Variants in PMM2 observed in about 807,000 individuals in gnomAD.
PMM2 encodes the protein mannose-6-phosphate isomerase.
A neutral mutation model predicts 33.2 loss-of-function variants in PMM2; 35 were observed. The observed-to-expected ratio is 1.06, with a 90% CI of 0.81 to 1.40. The LOEUF is 1.40. Among genes scored for constraint, PMM2 ranks in the 40% most tolerant of loss-of-function variants. The pLI is 0.00. For missense variants in PMM2, 386 were observed against 306.0 expected (o/e 1.26, Z -1.95); for synonymous variants, 153 against 114.7 (o/e 1.33, Z -2.13).
intron 4 of PMM2, chr16:8,806,671 C>G: frequency 5.8e-6 from 3 of 514,982 alleles, no homozygotes; most frequent in Non-Finnish European, 7.0e-6. Flanking sequence ...AATTTAAATC[C>G]GAATCCCAGC....
intron 7 of PMM2, among the ~76,000 whole-genome samples, chr16:8,819,171 G>A (rs975886311): frequency 6.6e-6 from 1 of 152,236 alleles, no homozygotes; most frequent in African/African-American, 2.4e-5. Context: ...AGGGTTCAGG[G>A]TTGGGGACAG....
chr16:8,843,037 A>C (rs1596506515), intron 7 of PMM2, among the ~76,000 whole-genome samples: 1 of 152,162 alleles, frequency 6.6e-6, no homozygotes, highest in East Asian at 1.9e-4. Context: ...TCAGGGAAGC[A>C]GATAATTTGC....
At chr16:8,820,915 A>G (rs770022916) in intron 7 of PMM2, among the ~76,000 whole-genome samples, 2 of 152,122 alleles carry the variant, frequency 1.3e-5, no homozygotes, top group African/African-American at 2.4e-5. Flanking sequence ...ACACCTTCCA[A>G]CAGTTCATTA....
rs1418343874 is a variant in PMM2, at chr16:8,848,540, C to T, written c.*715C>T. 1 of 152,568 alleles carries T rather than the reference C, an allele frequency of 6.6e-6. No homozygotes were observed. Among genetic ancestry groups the T allele is most frequent in the Non-Finnish European group, 1.5e-5 (1 of 68,302 alleles). The allele number at this position is 152,568 out of a possible 1,614,324, so 9.5% of individuals were successfully genotyped here. A position where few individuals can be genotyped will look rare whatever the true frequency, so the allele number is the denominator to read the frequency against. ...CACTACACTCAGAATAGCCTGGCTG[C>T]TTCTCTGTCTCCGAGACCGGAGGTA... On this transcript the variant is annotated 3_prime_UTR_variant, in exon 8 of 8. Coordinates refer to ENST00000268261, the MANE Select transcript of PMM2 (RefSeq NM_000303.3).
intron 7 of PMM2, among the ~76,000 whole-genome samples, chr16:8,826,456 A>G (rs1400728591): frequency 1.3e-5 from 2 of 152,204 alleles, no homozygotes; most frequent in Non-Finnish European, 2.9e-5. Context: ...CTGGAATCTA[A>G]TGGCTCTAAA....
In PMM2 at chr16:8,849,043, A is replaced by C. The variant is rs557668852; in HGVS notation, c.*1218A>C. On this transcript the variant is annotated 3_prime_UTR_variant, in exon 8 of 8. Coordinates refer to ENST00000268261, the MANE Select transcript of PMM2 (RefSeq NM_000303.3). Reference sequence around the variant, plus strand: ...TGGGGTTGTGTGGCCTCCACTGGGCACTTGCCGACCTGAGTCTGGGGCCAG... The same window carrying C: ...TGGGGTTGTGTGGCCTCCACTGGGCCCTTGCCGACCTGAGTCTGGGGCCAG... 1.3e-5 allele frequency: 2 copies of C among 152,244 alleles called. No individual in the cohort carries two copies. The highest frequency in any genetic ancestry group is 4.8e-5 in the African/African-American group (2 of 41,436). The allele number at this position is 152,244 out of a possible 1,614,324, so 9.4% of individuals were successfully genotyped here. A position where few individuals can be genotyped will look rare whatever the true frequency, so the allele number is the denominator to read the frequency against.
At chr16:8,843,704 T>C (rs1413624602) in intron 7 of PMM2, among the ~76,000 whole-genome samples, 2 of 152,214 alleles carry the variant, frequency 1.3e-5, no homozygotes, top group Non-Finnish European at 1.5e-5. Context: ...GTGAGGTTAA[T>C]TAAGTCCTGT....
intron 1 of PMM2, among the ~76,000 whole-genome samples, chr16:8,800,665 C>CTTTTTTTTTTTTTTTTTTTTTT (rs35148703): frequency 7.9e-6 from 1 of 126,642 alleles, no homozygotes. Flanking sequence ...TAAGCTTCTC[C>CTTTTTTTTTTTTTTTTTTTTTT]TTTTTTTTTT....
chr16:8,807,489 T>TG (rs1567158884), intron 4 of PMM2: 4 of 150,368 alleles, frequency 2.7e-5, no homozygotes, highest in Admixed American at 1.3e-4. Context: ...TTCTTTTTGT[T>TG]TTTTGTTTTG....
chr16:8,846,704 G>A (rs1243323273), intron 7 of PMM2, among the ~76,000 whole-genome samples: 1 of 152,116 alleles, frequency 6.6e-6, no homozygotes, highest in Non-Finnish European at 1.5e-5. Flanking sequence ...TGAACTTCTG[G>A]CCACAGAGCT....
chr16:8,832,582 G>A (rs756383354), intron 7 of PMM2: 6 of 985,346 alleles, frequency 6.1e-6, no homozygotes, highest in Non-Finnish European at 6.0e-6. Flanking sequence ...TGCTTCAGGG[G>A]TCTCTTCCCA....
chr16:8,820,016 T>C (rs1384137582), intron 7 of PMM2, among the ~76,000 whole-genome samples: 1 of 152,214 alleles, frequency 6.6e-6, no homozygotes, highest in Non-Finnish European at 1.5e-5. Context: ...ATAAGGAAGA[T>C]CTGCCTTTAA....
intron 5 of PMM2, 40 bp from the exon 6 acceptor site, chr16:8,811,598 G>A: frequency 8.0e-7 from 1 of 1,245,618 alleles, no homozygotes; most frequent in East Asian, 2.3e-5. Flanking sequence ...TTTCTAAACT[G>A]CAATACAAGA....
At chr16:8,820,826 T>C (rs1044795305) in intron 7 of PMM2, among the ~76,000 whole-genome samples, 1 of 152,210 alleles carries the variant, frequency 6.6e-6, no homozygotes, top group African/African-American at 2.4e-5. Flanking sequence ...GCTCATCTGT[T>C]ATTGAGATTT....
chr16:8,845,546 T>C (rs1336871716), intron 7 of PMM2, among the ~76,000 whole-genome samples: 5 of 152,106 alleles, frequency 3.3e-5, no homozygotes, highest in South Asian at 2.1e-4. Context: ...TTTGGCTCTT[T>C]TGAGGCATGT....
intron 7 of PMM2, chr16:8,832,406 G>C: frequency 1.0e-6 from 1 of 985,380 alleles, no homozygotes; most frequent in South Asian, 4.7e-5. Flanking sequence ...TTAAGTGTCA[G>C]CGAGTTACAT....
At chr16:8,813,328 G>A (rs1231368659) in intron 7 of PMM2, among the ~76,000 whole-genome samples, 1 of 152,178 alleles carries the variant, frequency 6.6e-6, no homozygotes, top group Admixed American at 6.5e-5. Context: ...CATGTTAGTT[G>A]AACCTTTTCA....
In PMM2 at chr16:8,806,378, C is replaced by T. The variant is rs930344709; in HGVS notation, c.318C>T (p.Tyr106=). Residue 106 remains tyrosine, a synonymous_variant, in exon 4 of 8, where the codon TAC becomes TAT. Transcript: ENST00000268261. ...ATTTAATCAACTACTGTCTGAGCTA[C>T]ATTGCGAAAATTAAACTCCCGAAGA... is the stretch of plus-strand genomic sequence containing the variant. ...IQDLINYCLS[Y]IAKIKLPKKR... 1.2e-6 allele frequency: 2 copies of T among 1,613,212 alleles called. No homozygotes were observed. Among genetic ancestry groups the T allele is most frequent in the Non-Finnish European group, 1.7e-6 (2 of 1,179,126 alleles).
chr16:8,799,805 C>T (rs2060602561), intron 1 of PMM2, among the ~76,000 whole-genome samples: 1 of 152,068 alleles, frequency 6.6e-6, no homozygotes, highest in East Asian at 1.9e-4. Context: ...CTCGGCCTCC[C>T]AAAGTGCTGG....
Sources: allele counts gnomAD v4.1 joint callset (sites outside exome capture counted in the v4.1 genomes callset), GRCh38; gene constraint gnomAD v4.1.1; transcripts MANE v1.5; gene names NCBI Gene and HGNC (gene_info 2026-07-23, HGNC 2026-07-21).